Variants in AARSD1 observed in about 807,000 individuals in gnomAD.
AARSD1 encodes alanyl-tRNA synthetase domain containing 1.
A neutral mutation model predicts 48.7 loss-of-function variants in AARSD1; 44 were observed. That is an observed-to-expected ratio of 0.90 (90% confidence interval 0.71 to 1.16). The LOEUF is 1.16. Among genes scored for constraint, AARSD1 ranks in the 50% most tolerant of loss-of-function variants. The probability of loss-of-function intolerance (pLI) is 0.00; values close to 1 mark genes in which losing one functional copy is unlikely to be tolerated. For missense variants in AARSD1, 511 were observed against 523.1 expected (o/e 0.98, Z 0.23); for synonymous variants, 189 against 194.9 (o/e 0.97, Z 0.25).
intron 6 of AARSD1, 34 bp from the exon 7 acceptor site, chr17:42,956,006 C>G (rs759745717): frequency 6.2e-7 from 1 of 1,612,196 alleles, no homozygotes; most frequent in African/African-American, 1.3e-5. Context: ...CACACACACA[C>G]GTGTGCACAT....
chr17:42,954,981 G>T lies in AARSD1; in HGVS notation c.862-14C>A. The T allele has an allele frequency of 6.2e-7, 1 of 1,614,002 alleles. No individual in the cohort carries two copies. The highest frequency in any genetic ancestry group is 8.5e-7 in the Non-Finnish European group (1 of 1,179,964). On this transcript the variant is annotated splice_polypyrimidine_tract_variant and intron_variant, in intron 8 of 11. Coordinates refer to ENST00000427569, the MANE Select transcript of AARSD1 (RefSeq NM_001261434.2). ...ATTCAGGTTATTCTGAAATGGATAT[G>T]GTAACTCAGTAGATAAATGGAAAGG...
chr17:42,960,085 A>G (rs1289067130), intron 3 of AARSD1, among the ~76,000 whole-genome samples: 1 of 151,748 alleles, frequency 6.6e-6, no homozygotes, highest in East Asian at 2.0e-4. Context: ...CCTGGCCAAC[A>G]TGGTGAAACA....
At position 42,956,460 on chromosome 17, in the gene AARSD1, C is replaced by G. The variant is rs2049553803; in HGVS notation, c.490G>C (p.Asp164His). 2 of 1,614,064 alleles carry G rather than the reference C, an allele frequency of 1.2e-6. No homozygotes were observed. Among genetic ancestry groups the G allele is most frequent in the South Asian group, 2.2e-5 (2 of 91,074 alleles). ...TCTCGGACATTCACAGGCAGCCGAT[C>G]TCTGATTTTTTCATTGACGCTCTGC... is the stretch of plus-strand genomic sequence containing the variant. ...IEQSVNEKIR[D>H]RLPVNVRELS... The change falls in exon 5 of 12, where the codon GAT (aspartate) becomes CAT (histidine). Residue 164 changes from aspartate (D) to histidine (H), a missense_variant. By Grantham distance (81) the Asp-to-His change is moderately conservative (BLOSUM62 -1). Coordinates refer to ENST00000427569, the MANE Select transcript of AARSD1 (RefSeq NM_001261434.2).
rs943648191 is a variant in AARSD1 at position 42,956,533 on chromosome 17, A to G, written c.417T>C (p.Ile139=). ...SWELGRFRSA[I]ELDTPSMTAE... ...CAGTCATAGAGGGGGTGTCCAGCTCAATCGCACTCCGAAATCTCCCTAACT... is the reference window on the plus strand; with the variant it reads ...CAGTCATAGAGGGGGTGTCCAGCTCGATCGCACTCCGAAATCTCCCTAACT... Residue 139 remains isoleucine (I), a synonymous_variant, in exon 5 of 12, where the codon ATT becomes ATC. Coordinates refer to ENST00000427569, the MANE Select transcript of AARSD1 (RefSeq NM_001261434.2). The G allele has an allele frequency of 3.1e-6, 5 of 1,613,510 alleles. No individual in the cohort carries two copies. The highest frequency in any genetic ancestry group is 4.2e-6 in the Non-Finnish European group (5 of 1,179,866).
chr17:42,950,855 T>G (rs1481688028), intron 11 of AARSD1, 127 bp from the exon 12 acceptor site: 3 of 1,414,214 alleles, frequency 2.1e-6, no homozygotes, highest in Non-Finnish European at 2.8e-6. Flanking sequence ...CTAGGAATCT[T>G]TCTTGAAAAC....
intron 4 of AARSD1, among the ~76,000 whole-genome samples, 162 bp downstream of exon 4, chr17:42,956,966 CTTTTTTTTTT>C (rs55786826): frequency 1.7e-5 from 2 of 118,610 alleles, no homozygotes; most frequent in Non-Finnish European, 3.3e-5. Flanking sequence ...TGCGCCTGGC[CTTTTTTTTTT>C]TTTTTTTTAA....
At chr17:42,956,343 G>C in intron 5 of AARSD1, 23 bp from the exon 6 acceptor site, 2 of 1,614,096 alleles carry the variant, frequency 1.2e-6, no homozygotes, top group Non-Finnish European at 1.7e-6. Context: ...AGAGGGGAGG[G>C]ACTGTCTGAA....
chr17:42,958,321 T>C (rs979707613), intron 3 of AARSD1, among the ~76,000 whole-genome samples: 1 of 151,998 alleles, frequency 6.6e-6, no homozygotes, highest in Admixed American at 6.6e-5. Context: ...AACAACGTGG[T>C]GAAACCTCGT....
Position 42,956,325 on chromosome 17 carries a change from AC to A in AARSD1, c.547-6del. ...AGGCAAACCCCGGCCACTCACCTGG[AC>A]TCAAGGAGAGGGGAGGGACTGTCTG... On this transcript the variant is annotated splice_region_variant and splice_polypyrimidine_tract_variant and intron_variant, in intron 5 of 11. Transcript: ENST00000427569. 6.2e-7 allele frequency: 1 copy of A among 1,614,100 alleles called. No individual in the cohort carries two copies. Among genetic ancestry groups the A allele is most frequent in the Non-Finnish European group, 8.5e-7 (1 of 1,180,018 alleles).
intron 9 of AARSD1, 57 bp from the exon 10 acceptor site, chr17:42,953,835 A>C: frequency 6.2e-7 from 1 of 1,610,922 alleles, no homozygotes; most frequent in South Asian, 1.1e-5. Context: ...GTGAAACTGC[A>C]GGAAGCCTGG....
chr17:42,960,364 CCAGGGGGAAGA>C (rs2049617910), intron 3 of AARSD1, among the ~76,000 whole-genome samples: 1 of 151,834 alleles, frequency 6.6e-6, no homozygotes, highest in Non-Finnish European at 1.5e-5. Flanking sequence ...TTAGAGAGGT[CCAGGGGGAAGA>C]CAGCTAGGAG....
rs2049635534 is a variant in AARSD1 at position 42,961,356 on chromosome 17, T to C, written c.172-5A>G. Reference sequence around the variant, plus strand: ...GATTGTACCACGGTCATCAGGCTGGTGGAAATAAGTAAACGTAATCAATGG... The same window carrying C: ...GATTGTACCACGGTCATCAGGCTGGCGGAAATAAGTAAACGTAATCAATGG... On this transcript the variant is annotated splice_region_variant and splice_polypyrimidine_tract_variant and intron_variant, in intron 2 of 11. Transcript: ENST00000427569. 6.2e-7 allele frequency: 1 copy of C among 1,613,794 alleles called. No homozygotes were observed. Among genetic ancestry groups the C allele is most frequent in the Non-Finnish European group, 8.5e-7 (1 of 1,179,960 alleles).
intron 2 of AARSD1, among the ~76,000 whole-genome samples, 169 bp from the exon 3 acceptor site, chr17:42,961,520 C>T (rs150309738): frequency 7.9e-5 from 12 of 152,252 alleles, no homozygotes; most frequent in Non-Finnish European, 1.5e-4. Context: ...GATTCTCAGT[C>T]CTTTTCATTC....
At chr17:42,956,709 C>T (rs1319637053) in intron 4 of AARSD1, 149 bp from the exon 5 acceptor site, 1 of 1,068,862 alleles carries the variant, frequency 9.4e-7, no homozygotes, top group African/African-American at 1.9e-5. Context: ...GCTCTGTCGC[C>T]CAGGCTGGAG....
intron 3 of AARSD1, among the ~76,000 whole-genome samples, chr17:42,960,422 G>C (rs1290902807): frequency 6.6e-6 from 1 of 151,950 alleles, no homozygotes; most frequent in East Asian, 1.9e-4. Context: ...GAAAGAAGTG[G>C]ACAGACATTT....
intron 10 of AARSD1, among the ~76,000 whole-genome samples, chr17:42,952,967 C>A (rs2049499417): frequency 6.6e-6 from 1 of 151,994 alleles, no homozygotes; most frequent in African/African-American, 2.4e-5. Context: ...GCACCTGCCA[C>A]CACACCCAGC....
rs997630531 is a variant in AARSD1 at position 42,955,745 on chromosome 17, T to G, written c.794+97A>C. Reference sequence around the variant, plus strand: ...TGTGGGCCACCACGCCTGGCCGCACTTTATCATTTACGATTGCATCTTATC... The same window carrying G: ...TGTGGGCCACCACGCCTGGCCGCACGTTATCATTTACGATTGCATCTTATC... On this transcript the variant is annotated intron_variant, in intron 7 of 11. Transcript: ENST00000427569. The G allele has an allele frequency of 5.7e-6, 9 of 1,571,086 alleles. No individual in the cohort carries two copies. The East Asian group carries it at 1.8e-4, about 32-fold the overall frequency.
At position 42,956,519 on chromosome 17, in the gene AARSD1, G is replaced by C. The variant is rs1163607602; in HGVS notation, c.431C>G (p.Pro144Arg). The C allele has an allele frequency of 4.3e-6, 7 of 1,613,960 alleles. No individual in the cohort carries two copies. The highest frequency in any genetic ancestry group is 1.1e-5 in the South Asian group (1 of 91,076). Residue 144 changes from proline to arginine, a missense_variant, in exon 5 of 12, where the codon CCC (proline) becomes CGC (arginine). Pro to Arg is a moderately radical substitution (Grantham distance 103). Coordinates refer to ENST00000427569, the MANE Select transcript of AARSD1 (RefSeq NM_001261434.2). ...RFRSAIELDT[P>R]SMTAEQVAAI... ...AGCTACTTGCTCTGCAGTCATAGAG[G>C]GGGTGTCCAGCTCAATCGCACTCCG...
In AARSD1 at chr17:42,951,822, A is replaced by G. The variant is rs200798102; in HGVS notation, c.1081T>C (p.Ser361Pro). ...GLFLLAGPPASVETLGPRVAE... is the reference protein window; with the variant it reads ...GLFLLAGPPAPVETLGPRVAE... Reference sequence around the variant, plus strand: ...TACCTGGGCCCCAGGGTCTCCACAGACGCAGGTGGCCCTGCCAGTAAGAAG... The same window carrying G: ...TACCTGGGCCCCAGGGTCTCCACAGGCGCAGGTGGCCCTGCCAGTAAGAAG... The change falls in exon 11 of 12, where the codon TCT (serine) becomes CCT (proline). Residue 361 changes from serine to proline, a missense_variant. Transcript: ENST00000427569. 2.3e-4 allele frequency: 378 copies of G among 1,614,072 alleles called. No homozygotes were observed. The highest frequency in any genetic ancestry group is 3.1e-4 in the Non-Finnish European group (366 of 1,180,038).
Sources: gnomAD v4.1 joint callset for allele counts (sites outside exome capture counted in the v4.1 genomes callset) on GRCh38, gnomAD v4.1.1 for gene constraint, MANE v1.5 for transcripts, NCBI Gene and HGNC (gene_info 2026-07-23, HGNC 2026-07-21) for gene names.